The following PTPRM variants were observed in gnomAD, a reference collection of about 807,000 sequenced individuals.
PTPRM encodes the protein protein tyrosine phosphatase receptor type M, also known as receptor-type tyrosine-protein phosphatase mu.
Under a neutral mutation model 186.7 loss-of-function variants are expected in PTPRM, and 47 were observed. That is an observed-to-expected ratio of 0.25 (90% CI 0.20 to 0.32). The LOEUF (loss-of-function observed/expected upper bound fraction) is 0.32, where lower values mean the gene tolerates loss of function less well. Among genes scored for constraint, PTPRM ranks in the 10% least tolerant of loss-of-function variants. PTPRM has a pLI of 1.00. For synonymous variants in PTPRM, 668 were observed against 674.9 expected (o/e 0.99, Z 0.16); for missense variants, 1,494 against 1,865.0 (o/e 0.80, Z 3.66).
At chr18:7,602,410 G>T (rs1040294922) in intron 1 of PTPRM, among the ~76,000 whole-genome samples, 1 of 151,982 alleles carries the variant, frequency 6.6e-6, no homozygotes, top group East Asian at 1.9e-4. Context: ...GGGTTATCTG[G>T]GAAGTTTGAT....
intron 22 of PTPRM, among the ~76,000 whole-genome samples, chr18:8,321,233 T>G (rs2095343619): frequency 6.6e-6 from 1 of 152,212 alleles, no homozygotes; most frequent in African/African-American, 2.4e-5. Context: ...TTCATTTCTC[T>G]CCAATAACTT....
chr18:8,166,537 T>G (rs28615784), intron 14 of PTPRM, among the ~76,000 whole-genome samples: 5,520 of 152,314 alleles, frequency 0.036, 324 homozygotes, highest in African/African-American at 0.13. Flanking sequence ...TTACCTTGCA[T>G]AATCTAAATT....
At chr18:8,354,860 C>A (rs1165648685) in intron 23 of PTPRM, among the ~76,000 whole-genome samples, 2 of 152,080 alleles carry the variant, frequency 1.3e-5, no homozygotes, top group African/African-American at 4.8e-5. Flanking sequence ...CTTGGAGCAG[C>A]GAGTCACAGG....
At chr18:8,369,794 TA>T (rs2095653129) in intron 23 of PTPRM, among the ~76,000 whole-genome samples, 2 of 151,648 alleles carry the variant, frequency 1.3e-5, no homozygotes, top group African/African-American at 4.9e-5. Context: ...CTATAAAAAA[TA>T]AAAGATTAGC....
chr18:8,365,264 AC>A (rs1366966329), intron 23 of PTPRM, among the ~76,000 whole-genome samples: 2 of 152,142 alleles, frequency 1.3e-5, no homozygotes, highest in Non-Finnish European at 2.9e-5. Flanking sequence ...TGAGCAAGCC[AC>A]TTGCACTCCC....
chr18:7,634,695 T>G (rs2038271971), intron 1 of PTPRM, among the ~76,000 whole-genome samples: 1 of 152,244 alleles, frequency 6.6e-6, no homozygotes, highest in African/African-American at 2.4e-5. Context: ...TGTAAAATCC[T>G]TGACGATGGA....
At chr18:8,404,664 T>C (rs1348078741) in intron 32 of PTPRM, 1 of 152,236 alleles carries the variant, frequency 6.6e-6, no homozygotes, top group African/African-American at 2.4e-5. Flanking sequence ...AAGTAATAGA[T>C]ACATTTCCTT....
intron 5 of PTPRM, among the ~76,000 whole-genome samples, chr18:7,933,596 A>T (rs536735102): frequency 3.3e-3 from 503 of 152,324 alleles, no homozygotes; most frequent in African/African-American, 0.011. Context: ...CCGAGCACCT[A>T]GACTAGTGCT....
At chr18:8,192,669 A>G (rs1391427116) in intron 14 of PTPRM, among the ~76,000 whole-genome samples, 1 of 152,214 alleles carries the variant, frequency 6.6e-6, no homozygotes, top group Admixed American at 6.5e-5. Flanking sequence ...GCATACTGTA[A>G]TGCCAGGAAA....
At chr18:7,917,724 A>G (rs2050643050) in intron 4 of PTPRM, among the ~76,000 whole-genome samples, 1 of 152,120 alleles carries the variant, frequency 6.6e-6, no homozygotes, top group South Asian at 2.1e-4. Context: ...TGAAATATAC[A>G]GTAGATTTTG....
At chr18:8,100,179 C>A (rs948201359) in intron 11 of PTPRM, among the ~76,000 whole-genome samples, 1 of 152,052 alleles carries the variant, frequency 6.6e-6, no homozygotes, top group African/African-American at 2.4e-5. Flanking sequence ...TACTCTGTCA[C>A]CCAGGCTGGA....
intron 29 of PTPRM, among the ~76,000 whole-genome samples, chr18:8,381,991 CA>C (rs1221330613): frequency 2.0e-5 from 3 of 152,166 alleles, no homozygotes; most frequent in Non-Finnish European, 4.4e-5. Flanking sequence ...TATCTGGACT[CA>C]AACCAAGCCT....
intron 7 of PTPRM, among the ~76,000 whole-genome samples, chr18:8,052,491 A>T (rs1448583200): frequency 6.6e-6 from 1 of 152,180 alleles, no homozygotes; most frequent in Admixed American, 6.6e-5. Context: ...TTTGTAACCT[A>T]GGGGCAGTAG....
In PTPRM at chr18:7,763,474, A is replaced by G. The variant is rs182357937; in HGVS notation, c.74-10675A>G. Among the ~76,000 whole-genome samples, 395 of 152,310 alleles carry G rather than the reference A, an allele frequency of 2.6e-3. 2 individuals carry two copies. The highest frequency in any genetic ancestry group is 6.4e-3 in the African/African-American group (268 of 41,578). The stretch of plus-strand genomic sequence containing the variant: ...AGCATACCTTTGATATGAAGACTGC[A>G]TATCTCCTTTTGATGCAAAGAGCAA... On this transcript the variant is annotated intron_variant, in intron 1 of 32. Transcript: ENST00000580170.
intron 20 of PTPRM, among the ~76,000 whole-genome samples, chr18:8,299,795 T>G (rs1455056413): frequency 6.6e-6 from 1 of 152,192 alleles, no homozygotes; most frequent in Non-Finnish European, 1.5e-5. Context: ...CAGAAACAGA[T>G]GGGTCTGACT....
chr18:7,911,610 C>G (rs1223240815), intron 4 of PTPRM, among the ~76,000 whole-genome samples: 2 of 152,084 alleles, frequency 1.3e-5, no homozygotes, highest in Non-Finnish European at 2.9e-5. Flanking sequence ...TTTTATATAT[C>G]TACATACAAA....
chr18:8,199,220 A>G (rs2093820146), intron 14 of PTPRM, among the ~76,000 whole-genome samples: 1 of 152,152 alleles, frequency 6.6e-6, no homozygotes, highest in African/African-American at 2.4e-5. Flanking sequence ...AGTGAAGGAG[A>G]CACTAGTATT....
At chr18:7,809,860 G>A (rs1211488558) in intron 2 of PTPRM, among the ~76,000 whole-genome samples, 1 of 152,188 alleles carries the variant, frequency 6.6e-6, no homozygotes, top group African/African-American at 2.4e-5. Context: ...ATTAAAAAGG[G>A]TTGGGAACAG....
chr18:7,760,384 T>C (rs913599437), intron 1 of PTPRM, among the ~76,000 whole-genome samples: 17 of 136,930 alleles, frequency 1.2e-4, no homozygotes, highest in African/African-American at 4.2e-4. Context: ...TAAATATTAA[T>C]TTTTTTTGTG....
Sources: gnomAD v4.1 joint callset for allele counts (sites outside exome capture counted in the v4.1 genomes callset) on GRCh38, gnomAD v4.1.1 for gene constraint, MANE v1.5 for transcripts, NCBI Gene and HGNC (gene_info 2026-07-23, HGNC 2026-07-21) for gene names.